Variants in PRKN observed in about 807,000 individuals in gnomAD.
The protein encoded by PRKN is parkin RBR E3 ubiquitin protein ligase.
Under a neutral mutation model 59.5 loss-of-function variants are expected in PRKN, and 56 were observed. The ratio of observed to expected loss-of-function variants is 0.94; its 90% CI spans 0.76 to 1.18. PRKN has a LOEUF of 1.18. Among genes scored for constraint, PRKN ranks in the 50% most tolerant of loss-of-function variants. PRKN has a pLI of 0.00. For synonymous variants in PRKN, 250 were observed against 222.1 expected (o/e 1.13, Z -1.12); for missense variants, 657 against 596.4 (o/e 1.10, Z -1.06).
chr6:161,643,996 C>T (rs1048382197), intron 7 of PRKN, among the ~76,000 whole-genome samples: 2 of 151,942 alleles, frequency 1.3e-5, no homozygotes, highest in Admixed American at 6.6e-5. Context: ...TTCATCAATG[C>T]CAGAGGAGCA....
At chr6:161,567,022 G>GTTTT (rs71917520) in intron 8 of PRKN, among the ~76,000 whole-genome samples, 53 of 87,070 alleles carry the variant, frequency 6.1e-4, no homozygotes, top group African/African-American at 1.4e-3. Flanking sequence ...CACTGTCCTT[G>GTTTT]TTTTTTTTTT....
At chr6:162,177,750 CAAATT>C (rs1783606100) in intron 4 of PRKN, among the ~76,000 whole-genome samples, 1 of 151,966 alleles carries the variant, frequency 6.6e-6, no homozygotes, top group Non-Finnish European at 1.5e-5. Context: ...ATAAAGAAAA[CAAATT>C]AAAGAGAGTG....
At position 161,675,234 on chromosome 6, in the gene PRKN, T is replaced by A. The variant is rs563619420; in HGVS notation, c.872-105818A>T. 5.9e-5 allele frequency among the ~76,000 whole-genome samples: 9 copies of A among 152,300 alleles called. No homozygotes were observed. The South Asian group carries it at 1.9e-3, about 32-fold the overall frequency. ...ACTCCCCAGTATTTGGAAAGACTTG[T>A]GGCCTACAACCTCAGAGGAAATGTA... On this transcript the variant is annotated intron_variant, in intron 7 of 11. Transcript: ENST00000366898.
At chr6:161,801,684 A>C (rs1791087049) in intron 6 of PRKN, among the ~76,000 whole-genome samples, 1 of 152,160 alleles carries the variant, frequency 6.6e-6, no homozygotes, top group Non-Finnish European at 1.5e-5. Flanking sequence ...GCCGGTTTTA[A>C]CCTTCCATCT....
chr6:161,716,164 A>AC (rs1786969231), intron 7 of PRKN: 2 of 1,170,716 alleles, frequency 1.7e-6, no homozygotes, highest in Non-Finnish European at 2.3e-6. Flanking sequence ...AGACTGGGTT[A>AC]ATTTGATGCT....
intron 7 of PRKN, among the ~76,000 whole-genome samples, chr6:161,687,925 T>A (rs2128174553): frequency 6.6e-6 from 1 of 152,310 alleles, no homozygotes; most frequent in African/African-American, 2.4e-5. Flanking sequence ...AGAAATTGTT[T>A]CCCAACATAC....
intron 2 of PRKN, among the ~76,000 whole-genome samples, chr6:162,422,564 C>G (rs6911087): frequency 0.52 from 78,278 of 151,974 alleles, 20,536 homozygotes; most frequent in East Asian, 0.69. Flanking sequence ...CTTTGGGTCA[C>G]AGAGTTCTTT....
chr6:161,891,627 C>A (rs1451441263), intron 6 of PRKN, among the ~76,000 whole-genome samples: 2 of 152,160 alleles, frequency 1.3e-5, no homozygotes, highest in East Asian at 1.9e-4. Flanking sequence ...AACATTCCTC[C>A]CAACCTTTGA....
At chr6:161,875,553 G>C (rs139519519) in intron 6 of PRKN, among the ~76,000 whole-genome samples, 1 of 152,032 alleles carries the variant, frequency 6.6e-6, no homozygotes, top group African/African-American at 2.4e-5. Context: ...AAATGGGCTA[G>C]GAGCTCTGCT....
intron 1 of PRKN, chr6:162,568,577 G>T: frequency 2.8e-6 from 1 of 353,826 alleles, no homozygotes; most frequent in Non-Finnish European, 5.0e-6. Context: ...AGGAGCAGGA[G>T]AAGGAGAAGG....
intron 5 of PRKN, among the ~76,000 whole-genome samples, chr6:162,044,428 C>G (rs965187233): frequency 6.6e-5 from 10 of 152,212 alleles, no homozygotes; most frequent in African/African-American, 2.4e-4. Flanking sequence ...GTCCTCAACC[C>G]CTAGTCATCA....
In PRKN at chr6:161,356,009, G is replaced by A. The variant is rs892135955; in HGVS notation, c.1285+4079C>T. Among the ~76,000 whole-genome samples, 8 of 152,232 alleles carry A rather than the reference G, an allele frequency of 5.3e-5. No individual in the cohort carries two copies. The highest frequency in any genetic ancestry group is 1.4e-4 in the African/African-American group (6 of 41,466). On this transcript the variant is annotated intron_variant, in intron 11 of 11. Transcript: ENST00000366898. The surrounding 1 kb of genome is among the most constrained non-coding windows in gnomAD (Gnocchi z 7.8). ...CACAGCCTAAGAGGCCTGAGCTGAC[G>A]TCCAGGAGCTCTGGGGATGGGGCAG...
At chr6:162,679,112 G>T (rs113195129) in intron 1 of PRKN, among the ~76,000 whole-genome samples, 2,946 of 40,062 alleles carry the variant, frequency 0.074, 67 homozygotes, top group African/African-American at 0.18. Context: ...ATTTATTTAT[G>T]AATGAATGAG....
intron 1 of PRKN, among the ~76,000 whole-genome samples, chr6:162,658,674 G>GAAAAAAAGAAAAAAAAAAAAAAAAAA (rs1778756643): frequency 1.0e-5 from 1 of 97,126 alleles, no homozygotes; most frequent in Non-Finnish European, 2.1e-5. Context: ...AAAAAAAAAA[G>GAAAAAAAGAAAAAAAAAAAAAAAAAA]AAAAAAAAAA....
At chr6:161,658,055 G>A (rs2128164478) in intron 7 of PRKN, among the ~76,000 whole-genome samples, 1 of 132,064 alleles carries the variant, frequency 7.6e-6, no homozygotes, top group East Asian at 2.3e-4. Context: ...GAAAAAAACG[G>A]TGTGCCAGTT....
intron 8 of PRKN, among the ~76,000 whole-genome samples, chr6:161,553,993 T>C (rs1780137501): frequency 2.0e-5 from 3 of 152,184 alleles, no homozygotes; most frequent in African/African-American, 7.2e-5. Context: ...TTCAAGACCA[T>C]AAATTGGGTG....
At chr6:162,480,477 G>A (rs910010395) in intron 1 of PRKN, among the ~76,000 whole-genome samples, 7 of 151,234 alleles carry the variant, frequency 4.6e-5, no homozygotes, top group African/African-American at 7.3e-5. Flanking sequence ...TTCTGAAGGA[G>A]AAAAACTTAC....
chr6:162,686,164 GATCA>G lies in PRKN; in HGVS notation c.7+41494_7+41497del, dbSNP rs200420583. 4.8e-4 allele frequency among the ~76,000 whole-genome samples: 73 copies of G among 152,238 alleles called. 1 individual carries two copies. Among genetic ancestry groups the G allele is most frequent in the East Asian group, 9.7e-4 (5 of 5,180 alleles). Reference sequence around the variant, plus strand: ...GATTTTTCTCTAAAATATAGGAAGTGATCAATCAAATGAAAAACTATATTTTAAG... The same window carrying G: ...GATTTTTCTCTAAAATATAGGAAGTGATCAAATGAAAAACTATATTTTAAG... On this transcript the variant is annotated intron_variant, in intron 1 of 11. Coordinates refer to ENST00000366898, the MANE Select transcript of PRKN (RefSeq NM_004562.3).
chr6:161,866,298 A>G (rs1033621055), intron 6 of PRKN, among the ~76,000 whole-genome samples: 10 of 152,194 alleles, frequency 6.6e-5, no homozygotes, highest in Non-Finnish European at 1.2e-4. Flanking sequence ...AATGTTGGCC[A>G]GGCGCAGTGA....
Sources: gnomAD v4.1 joint callset for allele counts (sites outside exome capture counted in the v4.1 genomes callset) on GRCh38, gnomAD v4.1.1 for gene constraint, Gnocchi (gnomAD v3.1) non-coding constraint, MANE v1.5 for transcripts, NCBI Gene and HGNC (gene_info 2026-07-23, HGNC 2026-07-21) for gene names.